GNG7: variants seen among roughly 807,000 people sequenced by gnomAD.
GNG7 encodes the protein guanine nucleotide-binding protein G(I)/G(S)/G(O) subunit gamma-7.
GNG7 carries 1 observed loss-of-function variant against 4.0 expected under a neutral mutation model. The ratio of observed to expected loss-of-function variants is 0.25; its 90% CI spans 0.09 to 1.18. The LOEUF (loss-of-function observed/expected upper bound fraction) is 1.18. Ranked by LOEUF, GNG7 falls within the 50% of genes most tolerant of loss-of-function variation. The pLI is 0.50. For synonymous variants in GNG7, 34 were observed against 36.9 expected (o/e 0.92, Z 0.29); for missense variants, 86 against 91.9 (o/e 0.94, Z 0.26).
At chr19:2,574,993 A>C (rs1980262364) in intron 2 of GNG7, among the ~76,000 whole-genome samples, 1 of 152,166 alleles carries the variant, frequency 6.6e-6, no homozygotes. Context: ...GCTTAGGGGC[A>C]CAATGGTTAA....
intron 2 of GNG7, among the ~76,000 whole-genome samples, chr19:2,612,706 A>ATTTTTTTTTTTTTTTTTTTTT (rs1568262802): frequency 8.4e-6 from 1 of 118,426 alleles, no homozygotes; most frequent in Non-Finnish European, 1.6e-5. Context: ...TTTTTTGAGA[A>ATTTTTTTTTTTTTTTTTTTTT]ATTTTTTTTT....
intron 2 of GNG7, among the ~76,000 whole-genome samples, chr19:2,580,921 C>T (rs981067534): frequency 3.3e-5 from 5 of 152,042 alleles, no homozygotes; most frequent in East Asian, 3.9e-4. Flanking sequence ...TGCACCACCA[C>T]GCCCGGCTAA....
chr19:2,698,291 C>A (rs1459069501), intron 1 of GNG7, among the ~76,000 whole-genome samples: 2 of 150,222 alleles, frequency 1.3e-5, no homozygotes, highest in Non-Finnish European at 3.0e-5. Context: ...AGGCCGGGCG[C>A]GGTGGCTCAC....
rs185971536 is a variant in GNG7, at chr19:2,517,987, G to A, written c.81+2621C>T. Among the ~76,000 whole-genome samples, 71 of 152,286 alleles carry A rather than the reference G, an allele frequency of 4.7e-4. No homozygotes were observed. In the East Asian group the frequency reaches 0.011, roughly 24 times the overall value. ...CGCCGGCTGCGGCCTGTGATGACTC[G>A]GACCTGGCCTGCTTTCTAGACTTCT... On this transcript the variant is annotated intron_variant, in intron 4 of 4. Transcript: ENST00000382159.
At position 2,609,811 on chromosome 19, in the gene GNG7, C is replaced by G. The variant is rs769542772; in HGVS notation, c.-78+36413G>C. Among the ~76,000 whole-genome samples, 1 of 152,168 alleles carries G rather than the reference C, an allele frequency of 6.6e-6. No individual in the cohort carries two copies. The highest frequency in any genetic ancestry group is 1.5e-5 in the Non-Finnish European group (1 of 68,026). ...GCCACCGTAGGACAATCCAGTGGGA[C>G]CTGGGGGTGCCTCTGGGCCATTGGG... On this transcript the variant is annotated intron_variant, in intron 2 of 4. Transcript: ENST00000382159. The surrounding 1 kb of genome is among the most constrained non-coding windows in gnomAD (Gnocchi z 4.4).
At chr19:2,585,331 GTATATA>G (rs780871462) in intron 2 of GNG7, among the ~76,000 whole-genome samples, 83 of 151,996 alleles carry the variant, frequency 5.5e-4, no homozygotes, top group Non-Finnish European at 9.9e-4. Flanking sequence ...ATCTTTCTGC[GTATATA>G]TAGATATATA....
At chr19:2,648,081 C>T (rs1383716737) in intron 1 of GNG7, among the ~76,000 whole-genome samples, 1 of 118,420 alleles carries the variant, frequency 8.4e-6, no homozygotes, top group African/African-American at 3.1e-5. Context: ...GATCCTAAAA[C>T]AGAAAAAGGA....
At chr19:2,560,906 G>A (rs1421846037) in intron 2 of GNG7, among the ~76,000 whole-genome samples, 1 of 149,826 alleles carries the variant, frequency 6.7e-6, no homozygotes, top group Admixed American at 6.7e-5. Context: ...GCAGTGAGCC[G>A]AGATCGTACC....
rs1972668035 is a variant in GNG7 at position 2,512,342 on chromosome 19, A to G, written c.*2680T>C. ...GTATTTTCCACAGTGTGGTCACTGAAGTCTACTCAAGAAAAAAAAAAGTGG... is the reference window on the plus strand; with the variant it reads ...GTATTTTCCACAGTGTGGTCACTGAGGTCTACTCAAGAAAAAAAAAAGTGG... On this transcript the variant is annotated 3_prime_UTR_variant, in exon 5 of 5. Coordinates refer to ENST00000382159, the MANE Select transcript of GNG7 (RefSeq NM_052847.3). The surrounding 1 kb of genome is among the most constrained non-coding windows in gnomAD (Gnocchi z 4.7). The G allele has an allele frequency of 3.0e-6, 3 of 985,554 alleles. No homozygotes were observed. The highest frequency in any genetic ancestry group is 3.6e-6 in the Non-Finnish European group (3 of 829,884). 61.1% of individuals were successfully genotyped at this position (985,554 alleles called of 1,614,324 possible).
chr19:2,615,030 C>T (rs539306874), intron 2 of GNG7, among the ~76,000 whole-genome samples: 45 of 152,306 alleles, frequency 3.0e-4, no homozygotes, highest in East Asian at 3.9e-4. Context: ...ATTTGTGCCG[C>T]GGCTCCTGCC....
chr19:2,557,166 G>A lies in GNG7; in HGVS notation c.-77-1978C>T, dbSNP rs537388184. Among the ~76,000 whole-genome samples, 419 of 150,060 alleles carry A rather than the reference G, an allele frequency of 2.8e-3. 7 individuals carry two copies. Among genetic ancestry groups the A allele is most frequent in the African/African-American group, 9.7e-3 (393 of 40,596 alleles). ...CACGCACATGCACACAAAGACACGC[G>A]CACACACGTACACACAAGACACGTG... On this transcript the variant is annotated intron_variant, in intron 2 of 4. Coordinates refer to ENST00000382159, the MANE Select transcript of GNG7 (RefSeq NM_052847.3). This position sits in a 1 kb window ranked among gnomAD's most constrained non-coding sequence, Gnocchi z 5.1.
intron 3 of GNG7, chr19:2,538,762 A>AT (rs1377361898): frequency 1.0e-5 from 4 of 393,260 alleles, no homozygotes; most frequent in African/African-American, 8.6e-5. Flanking sequence ...AGATATATAT[A>AT]TTTTTCTTTT....
At chr19:2,642,711 C>T (rs944678282) in intron 2 of GNG7, 1 of 440,834 alleles carries the variant, frequency 2.3e-6, no homozygotes, top group African/African-American at 2.0e-5. Flanking sequence ...CCAGGCTGAT[C>T]TCAAACTCCT....
At chr19:2,623,186 G>A (rs1250280761) in intron 2 of GNG7, among the ~76,000 whole-genome samples, 1 of 151,988 alleles carries the variant, frequency 6.6e-6, no homozygotes, top group Admixed American at 6.6e-5. Context: ...GCCAGGCGTG[G>A]TGGTGCACCT....
intron 2 of GNG7, among the ~76,000 whole-genome samples, chr19:2,585,107 GGAAGGAAAGAAGGTAGGAAT>G (rs1322864888): frequency 3.1e-5 from 2 of 65,550 alleles, no homozygotes; most frequent in African/African-American, 1.1e-4. Flanking sequence ...AAGGAAGGAA[GGAAGGAAAGAAGGTAGGAAT>G]GAAGGAAGGA....
At position 2,597,778 on chromosome 19, in the gene GNG7, G is replaced by A. The variant is rs541358853; in HGVS notation, c.-77-42590C>T. ...AGGCGTGGTGGCGGGCGCCTGTAGT[G>A]CCAGCTACTCGGGAGGCTGAGGCAG... On this transcript the variant is annotated intron_variant, in intron 2 of 4. Transcript: ENST00000382159. Among the ~76,000 whole-genome samples, 10 of 141,484 alleles carry A rather than the reference G, an allele frequency of 7.1e-5. No individual in the cohort carries two copies. The East Asian group carries it at 2.2e-3, about 31-fold the overall frequency. The allele number at this position is 141,484 out of a possible 152,430, so 92.8% of individuals were successfully genotyped here.
In GNG7 at chr19:2,664,117, GCACTTCCTCCT is replaced by G. The variant is rs1315761260; in HGVS notation, c.-134-17848_-134-17838del. Reference sequence around the variant, plus strand: ...CCTCCACCGCCCCCCAGGCCCGGCTGCACTTCCTCCTCTGGGAACTGAGTGGGCAGGACGGG... The same window carrying G: ...CCTCCACCGCCCCCCAGGCCCGGCTGCTGGGAACTGAGTGGGCAGGACGGG... On this transcript the variant is annotated intron_variant, in intron 1 of 4. Coordinates refer to ENST00000382159, the MANE Select transcript of GNG7 (RefSeq NM_052847.3). 2.0e-5 allele frequency among the ~76,000 whole-genome samples: 3 copies of G among 152,314 alleles called. No individual in the cohort carries two copies. The East Asian group carries it at 5.8e-4, about 29-fold the overall frequency.
intron 2 of GNG7, among the ~76,000 whole-genome samples, chr19:2,637,934 A>G (rs538591479): frequency 6.6e-6 from 1 of 152,332 alleles, no homozygotes; most frequent in South Asian, 2.1e-4. Flanking sequence ...GGCTGCACAC[A>G]TTGAAATCCA....
intron 1 of GNG7, among the ~76,000 whole-genome samples, chr19:2,677,839 AG>A (rs1288614512): frequency 1.3e-5 from 2 of 152,146 alleles, no homozygotes; most frequent in Non-Finnish European, 2.9e-5. Flanking sequence ...GGTGGAGGCC[AG>A]GGACGCTGCT....
Sources: allele counts gnomAD v4.1 joint callset (sites outside exome capture counted in the v4.1 genomes callset), GRCh38; gene constraint gnomAD v4.1.1; non-coding constraint Gnocchi (gnomAD v3.1); transcripts MANE v1.5; gene names NCBI Gene and HGNC (gene_info 2026-07-23, HGNC 2026-07-21).